The following PLD5 variants were observed in gnomAD, a reference collection of about 807,000 sequenced individuals.
The protein encoded by PLD5 is inactive phospholipase D5.
A neutral mutation model predicts 61.1 loss-of-function variants in PLD5; 36 were observed. The ratio of observed to expected loss-of-function variants is 0.59; its 90% CI spans 0.45 to 0.78. The LOEUF is 0.78. Among genes scored for constraint, PLD5 ranks in the 30% least tolerant of loss-of-function variants. PLD5 has a pLI of 0.00. For missense variants in PLD5, 515 were observed against 644.4 expected (o/e 0.80, Z 2.17); for synonymous variants, 243 against 242.8 (o/e 1.00, Z -0.01).
chr1:242,229,749 CT>C (rs1221145795), intron 4 of PLD5, among the ~76,000 whole-genome samples: 1 of 152,104 alleles, frequency 6.6e-6, no homozygotes, highest in Admixed American at 6.6e-5. Flanking sequence ...CCTAAGCCCG[CT>C]ATTACTTCTT....
intron 1 of PLD5, among the ~76,000 whole-genome samples, chr1:242,481,665 C>T (rs1420884620): frequency 2.6e-5 from 4 of 152,320 alleles, no homozygotes; most frequent in South Asian, 2.1e-4. Flanking sequence ...GCAGCAGAAA[C>T]GTCTGCAGAC....
intron 1 of PLD5, among the ~76,000 whole-genome samples, chr1:242,493,416 C>T (rs575524716): frequency 1.4e-4 from 22 of 152,220 alleles, no homozygotes; most frequent in African/African-American, 4.3e-4. Flanking sequence ...AGGCGAGCAC[C>T]GGGTTATGCT....
At chr1:242,295,351 A>G (rs1199555951) in intron 2 of PLD5, among the ~76,000 whole-genome samples, 2 of 152,084 alleles carry the variant, frequency 1.3e-5, no homozygotes, top group Non-Finnish European at 2.9e-5. Context: ...TGCCTTGGAT[A>G]CCCATTGTTT....
chr1:242,289,165 T>A (rs1330773216), intron 2 of PLD5, among the ~76,000 whole-genome samples: 1 of 152,198 alleles, frequency 6.6e-6, no homozygotes, highest in African/African-American at 2.4e-5. Context: ...CAATTGGCAA[T>A]ATTCTAATAA....
At chr1:242,301,426 G>A (rs941318379) in intron 2 of PLD5, among the ~76,000 whole-genome samples, 60 of 152,224 alleles carry the variant, frequency 3.9e-4, no homozygotes, top group African/African-American at 1.4e-3. Flanking sequence ...ATTTTGAGCT[G>A]AAGGCAATAG....
intron 2 of PLD5, among the ~76,000 whole-genome samples, chr1:242,327,464 G>T (rs1658870552): frequency 6.6e-6 from 1 of 152,150 alleles, no homozygotes; most frequent in African/African-American, 2.4e-5. Flanking sequence ...GCAATTCCTT[G>T]TATTAGCCCT....
intron 6 of PLD5, among the ~76,000 whole-genome samples, chr1:242,114,922 A>G (rs1467151901): frequency 6.6e-6 from 1 of 152,204 alleles, no homozygotes; most frequent in Non-Finnish European, 1.5e-5. Context: ...CAAGCCTGTA[A>G]TCCCAGCGCT....
chr1:242,216,139 C>T (rs534880024), intron 5 of PLD5, among the ~76,000 whole-genome samples: 2 of 152,292 alleles, frequency 1.3e-5, no homozygotes, highest in South Asian at 4.1e-4. Flanking sequence ...TAATTATACT[C>T]ATGATTGTCT....
chr1:242,427,154 T>C (rs1406424093), intron 1 of PLD5, among the ~76,000 whole-genome samples: 1 of 152,228 alleles, frequency 6.6e-6, no homozygotes, highest in East Asian at 1.9e-4. Context: ...TTGAGTTTTA[T>C]ATGTCACAAC....
At chr1:242,416,348 T>C (rs1472769079) in intron 1 of PLD5, among the ~76,000 whole-genome samples, 1 of 152,192 alleles carries the variant, frequency 6.6e-6, no homozygotes, top group African/African-American at 2.4e-5. Flanking sequence ...TGAAATTTTC[T>C]ATGTCAAATG....
At chr1:242,369,923 T>A (rs972817708) in intron 1 of PLD5, among the ~76,000 whole-genome samples, 4 of 152,252 alleles carry the variant, frequency 2.6e-5, no homozygotes, top group African/African-American at 9.6e-5. Flanking sequence ...AGGGGACAAC[T>A]AGAGAATGAC....
At position 242,226,366 on chromosome 1, in the gene PLD5, A is replaced by G. The variant is rs532324629; in HGVS notation, c.608-6251T>C. On this transcript the variant is annotated intron_variant, in intron 4 of 9. Coordinates refer to ENST00000536534, the MANE Select transcript of PLD5 (RefSeq NM_001372062.1). Reference sequence around the variant, plus strand: ...GCTGGTGATGAGTCCAGATCTCTGCAGATCCTCCTACTTTCGGCCCCGCAG... The same window carrying G: ...GCTGGTGATGAGTCCAGATCTCTGCGGATCCTCCTACTTTCGGCCCCGCAG... Among the ~76,000 whole-genome samples, 4 of 152,324 alleles carry G rather than the reference A, an allele frequency of 2.6e-5. No homozygotes were observed. In the South Asian group the frequency reaches 8.3e-4, roughly 32 times the overall value.
chr1:242,150,716 C>G (rs796120923), intron 5 of PLD5, among the ~76,000 whole-genome samples: 1 of 151,528 alleles, frequency 6.6e-6, no homozygotes, highest in East Asian at 1.9e-4. Flanking sequence ...TTTTGTGGAC[C>G]ATGCATAGTT....
intron 1 of PLD5, among the ~76,000 whole-genome samples, chr1:242,407,556 G>GGTTTT (rs1553369639): frequency 9.5e-6 from 1 of 105,520 alleles, no homozygotes; most frequent in African/African-American, 4.7e-5. Context: ...TGTTGTGGTT[G>GGTTTT]TTTTGTTTTT....
intron 1 of PLD5, among the ~76,000 whole-genome samples, chr1:242,458,772 A>G (rs890429361): frequency 6.6e-6 from 1 of 152,204 alleles, no homozygotes; most frequent in Non-Finnish European, 1.5e-5. Context: ...TCATCCTTTA[A>G]TCAATATCAT....
At chr1:242,278,716 T>A (rs1398567705) in intron 3 of PLD5, among the ~76,000 whole-genome samples, 1 of 152,202 alleles carries the variant, frequency 6.6e-6, no homozygotes, top group Non-Finnish European at 1.5e-5. Context: ...TTGAGCTCTA[T>A]GGAGGTAGCG....
At chr1:242,138,328 C>A (rs970129378) in intron 5 of PLD5, among the ~76,000 whole-genome samples, 8 of 151,944 alleles carry the variant, frequency 5.3e-5, no homozygotes, top group Admixed American at 4.6e-4. Flanking sequence ...ATTAAAAAAA[C>A]AAGCATAAAA....
intron 2 of PLD5, among the ~76,000 whole-genome samples, chr1:242,295,316 T>A (rs1675594333): frequency 6.6e-6 from 1 of 152,138 alleles, no homozygotes; most frequent in African/African-American, 2.4e-5. Context: ...GTCTCCAGTG[T>A]CTATTATTTC....
intron 2 of PLD5, among the ~76,000 whole-genome samples, chr1:242,309,866 G>GT (rs34508632): frequency 0.84 from 123,750 of 146,576 alleles, 53,185 homozygotes; most frequent in East Asian, 0.95. Context: ...AATTTATTGA[G>GT]TTTTTTTATT....
Sources: gnomAD v4.1 joint callset for allele counts (sites outside exome capture counted in the v4.1 genomes callset) on GRCh38, gnomAD v4.1.1 for gene constraint, MANE v1.5 for transcripts, NCBI Gene and HGNC (gene_info 2026-07-23, HGNC 2026-07-21) for gene names.